FSTL4: variants seen among roughly 807,000 people sequenced by gnomAD.
FSTL4 encodes follistatin like 4, also known as follistatin-related protein 4.
Under a neutral mutation model 78.2 loss-of-function variants are expected in FSTL4, and 28 were observed. That is an observed-to-expected ratio of 0.36 (90% confidence interval 0.27 to 0.49). The LOEUF (loss-of-function observed/expected upper bound fraction) is 0.49, where lower values mean the gene tolerates loss of function less well. FSTL4 is among the 20% of genes least tolerant of loss of function. FSTL4 has a pLI of 0.98. For synonymous variants in FSTL4, 422 were observed against 440.5 expected (o/e 0.96, Z 0.53); for missense variants, 922 against 1,084.9 (o/e 0.85, Z 2.11).
chr5:133,504,100 C>T (rs1343296567), intron 3 of FSTL4, among the ~76,000 whole-genome samples: 3 of 152,060 alleles, frequency 2.0e-5, no homozygotes, highest in South Asian at 2.1e-4. Context: ...TACTTCCCAT[C>T]GGGTCCCTCC....
At chr5:133,829,976 G>C in the FSTL4 span, among the ~76,000 whole-genome samples, 2 of 152,276 alleles carry the variant, frequency 1.3e-5, no homozygotes, top group South Asian at 2.1e-4. Flanking sequence ...CCCCACTGAG[G>C]GATGGAATCC....
At chr5:133,669,279 G>T in the FSTL4 span, among the ~76,000 whole-genome samples, 1 of 152,178 alleles carries the variant, frequency 6.6e-6, no homozygotes, top group Non-Finnish European at 1.5e-5. Context: ...GGCAGATGAG[G>T]GCCCCAAATC....
At chr5:133,663,543 C>T in the FSTL4 span, among the ~76,000 whole-genome samples, 471 of 152,358 alleles carry the variant, frequency 3.1e-3, 1 homozygote, top group South Asian at 0.023. Context: ...TGCCTCTTCA[C>T]GTGCCTCATC....
chr5:133,703,213 G>T, the FSTL4 span, among the ~76,000 whole-genome samples: 1 of 152,204 alleles, frequency 6.6e-6, no homozygotes, highest in Non-Finnish European at 1.5e-5. Context: ...TTATGGCTGC[G>T]AGAGAATTCA....
chr5:133,640,860 T>C, the FSTL4 span, among the ~76,000 whole-genome samples: 4 of 152,226 alleles, frequency 2.6e-5, no homozygotes, highest in Non-Finnish European at 5.9e-5. Context: ...ACTTAGGAGC[T>C]GTCACCAGAG....
intron 7 of FSTL4, among the ~76,000 whole-genome samples, chr5:133,246,248 C>G (rs1561641435): frequency 2.0e-5 from 3 of 152,208 alleles, no homozygotes; most frequent in South Asian, 4.1e-4. Flanking sequence ...ACACCTCAGG[C>G]TGAGGGACTC....
chr5:133,706,943 C>T, the FSTL4 span, among the ~76,000 whole-genome samples: 1 of 152,184 alleles, frequency 6.6e-6, no homozygotes, highest in Admixed American at 6.5e-5. Context: ...GAGGCCACAG[C>T]CCACACCCAT....
the FSTL4 span, among the ~76,000 whole-genome samples, chr5:133,643,731 G>T: frequency 6.6e-6 from 1 of 152,280 alleles, no homozygotes; most frequent in East Asian, 1.9e-4. Flanking sequence ...GTAGTGTGTT[G>T]TGAGCAAGAC....
At chr5:133,232,237 T>C (rs1032683475) in intron 8 of FSTL4, among the ~76,000 whole-genome samples, 1 of 152,112 alleles carries the variant, frequency 6.6e-6, no homozygotes, top group Admixed American at 6.5e-5. Context: ...AGAGAGGAAG[T>C]AGTTGCTGGA....
At chr5:133,535,568 C>T (rs1383234223) in intron 3 of FSTL4, among the ~76,000 whole-genome samples, 1 of 152,182 alleles carries the variant, frequency 6.6e-6, no homozygotes, top group East Asian at 1.9e-4. Context: ...GACTGGTTTG[C>T]TGTTAATAAA....
At chr5:133,538,256 C>T (rs948965551) in intron 3 of FSTL4, among the ~76,000 whole-genome samples, 5 of 152,076 alleles carry the variant, frequency 3.3e-5, no homozygotes, top group Admixed American at 3.3e-4. Context: ...AGGGTACAGG[C>T]AAGTTATTTT....
intron 3 of FSTL4, among the ~76,000 whole-genome samples, chr5:133,550,757 A>G (rs1759676273): frequency 1.3e-5 from 2 of 152,266 alleles, no homozygotes; most frequent in South Asian, 4.1e-4. Flanking sequence ...GAATAGTTAG[A>G]GAACACAGAA....
At chr5:133,337,282 A>C (rs966169018) in intron 4 of FSTL4, among the ~76,000 whole-genome samples, 1 of 152,202 alleles carries the variant, frequency 6.6e-6, no homozygotes, top group Non-Finnish European at 1.5e-5. Flanking sequence ...CTGTGACCCA[A>C]ATGCAAGGCC....
At chr5:133,725,858 G>A in the FSTL4 span, among the ~76,000 whole-genome samples, 1 of 152,114 alleles carries the variant, frequency 6.6e-6, no homozygotes, top group African/African-American at 2.4e-5. Flanking sequence ...TGAAACTAGG[G>A]ACTCAGTTTA....
chr5:133,238,195 C>T (rs1049856922), intron 7 of FSTL4, among the ~76,000 whole-genome samples: 1 of 152,064 alleles, frequency 6.6e-6, no homozygotes, highest in African/African-American at 2.4e-5. Flanking sequence ...GCAAGGACTC[C>T]AGAGTAATAT....
At chr5:133,343,132 C>T (rs914806405) in intron 4 of FSTL4, among the ~76,000 whole-genome samples, 1 of 152,168 alleles carries the variant, frequency 6.6e-6, no homozygotes, top group African/African-American at 2.4e-5. Flanking sequence ...GGGCTCAGGC[C>T]ACTTGTCCTG....
intron 4 of FSTL4, among the ~76,000 whole-genome samples, chr5:133,371,149 G>A (rs915941565): frequency 3.9e-5 from 6 of 152,338 alleles, no homozygotes; most frequent in Non-Finnish European, 5.9e-5. Flanking sequence ...CAACGGTCCC[G>A]AGGACTCAGA....
the FSTL4 span, among the ~76,000 whole-genome samples, chr5:133,774,813 A>G: frequency 6.6e-4 from 101 of 152,310 alleles, no homozygotes; most frequent in African/African-American, 2.0e-3. Context: ...TGATATTATT[A>G]GGCTAATTGT....
chr5:133,239,289 T>G (rs6863439), intron 7 of FSTL4, among the ~76,000 whole-genome samples: 14 of 148,790 alleles, frequency 9.4e-5, no homozygotes, highest in African/African-American at 3.2e-4. Context: ...AGAAGAGCAC[T>G]GCTCCCTGCT....
Sources: allele counts gnomAD v4.1 joint callset (sites outside exome capture counted in the v4.1 genomes callset), GRCh38; gene constraint gnomAD v4.1.1; transcripts MANE v1.5; gene names NCBI Gene and HGNC (gene_info 2026-07-23, HGNC 2026-07-21).